The following MLLT3 variants were observed in gnomAD, a reference collection of about 807,000 sequenced individuals.
The protein encoded by MLLT3 is MLLT3 super elongation complex subunit, also known as protein AF-9.
A neutral mutation model predicts 53.2 loss-of-function variants in MLLT3; 4 were observed. The ratio of observed to expected loss-of-function variants is 0.08; its 90% CI spans 0.04 to 0.17. MLLT3 has a LOEUF of 0.17. Ranked by LOEUF, MLLT3 falls within the 10% of genes least tolerant of loss-of-function variation. MLLT3 has a pLI of 1.00. For missense variants in MLLT3, 569 were observed against 684.0 expected, an observed-to-expected ratio of 0.83 and a Z score of 1.87; for synonymous variants, 283 against 230.6, an observed-to-expected ratio of 1.23 and a Z score of -2.06.
intron 2 of MLLT3, among the ~76,000 whole-genome samples, chr9:20,550,650 G>A (rs1320172509): frequency 1.3e-5 from 2 of 151,922 alleles, no homozygotes; most frequent in African/African-American, 2.4e-5. Context: ...GAACTTCCTC[G>A]GCCTCTTTAA....
chr9:20,559,171 A>C (rs1185590917), intron 2 of MLLT3, among the ~76,000 whole-genome samples: 1 of 152,240 alleles, frequency 6.6e-6, no homozygotes, highest in African/African-American at 2.4e-5. Context: ...TTTATATAAA[A>C]GTAAAGTTAT....
intron 2 of MLLT3, among the ~76,000 whole-genome samples, chr9:20,550,368 G>A (rs1344299418): frequency 6.6e-6 from 1 of 152,132 alleles, no homozygotes; most frequent in African/African-American, 2.4e-5. Flanking sequence ...CTTATTGTAT[G>A]ATTCCCTCTT....
chr9:20,509,258 G>C (rs868589813), intron 2 of MLLT3, among the ~76,000 whole-genome samples: 4 of 152,106 alleles, frequency 2.6e-5, no homozygotes, highest in Non-Finnish European at 5.9e-5. Context: ...CAATCTTTTT[G>C]TTTTATGGTG....
At chr9:20,572,396 G>A (rs2131165230) in intron 2 of MLLT3, among the ~76,000 whole-genome samples, 1 of 152,236 alleles carries the variant, frequency 6.6e-6, no homozygotes, top group South Asian at 2.1e-4. Context: ...TGAGGTGTTG[G>A]ATATGTTAAT....
intron 2 of MLLT3, among the ~76,000 whole-genome samples, chr9:20,596,163 G>A (rs1182321120): frequency 2.0e-5 from 3 of 152,106 alleles, no homozygotes; most frequent in Non-Finnish European, 4.4e-5. Context: ...AGATAATTCT[G>A]TATCAGGAAT....
chr9:20,380,576 G>C (rs916227710), intron 5 of MLLT3, among the ~76,000 whole-genome samples: 1 of 151,904 alleles, frequency 6.6e-6, no homozygotes, highest in Non-Finnish European at 1.5e-5. Flanking sequence ...TTCAAATATG[G>C]ATGCTTTTAA....
chr9:20,379,476 G>A lies in MLLT3; in HGVS notation c.1126-13732C>T, dbSNP rs562743159. 1.9e-4 allele frequency among the ~76,000 whole-genome samples: 29 copies of A among 152,006 alleles called. 1 individual carries two copies. In the South Asian group the frequency reaches 5.4e-3, roughly 28 times the overall value. On this transcript the variant is annotated intron_variant, in intron 5 of 10. Coordinates refer to ENST00000380338, the MANE Select transcript of MLLT3 (RefSeq NM_004529.4). ...GATTCATCATCTTGAATTTTCTCTA[G>A]CCCTAAAAACAAATCTAAATTACTG...
chr9:20,589,610 T>C (rs1352893888), intron 2 of MLLT3, among the ~76,000 whole-genome samples: 1 of 151,318 alleles, frequency 6.6e-6, no homozygotes, highest in Non-Finnish European at 1.5e-5. Context: ...AAAATTTTTT[T>C]ATAAAAAAAG....
At chr9:20,551,959 G>C (rs909656518) in intron 2 of MLLT3, among the ~76,000 whole-genome samples, 3 of 152,244 alleles carry the variant, frequency 2.0e-5, no homozygotes, top group Admixed American at 6.5e-5. Flanking sequence ...AACCTGCTCT[G>C]ATAAAATCAA....
chr9:20,603,351 T>A (rs950096100), intron 2 of MLLT3, among the ~76,000 whole-genome samples: 2 of 152,024 alleles, frequency 1.3e-5, no homozygotes, highest in Middle Eastern at 3.2e-3. Context: ...ACCTCTTAGG[T>A]CAAATCTGGC....
intron 7 of MLLT3, among the ~76,000 whole-genome samples, chr9:20,362,262 A>G (rs940867130): frequency 6.6e-6 from 1 of 152,202 alleles, no homozygotes; most frequent in African/African-American, 2.4e-5. Context: ...TGCAGCAATA[A>G]GTAGGTGGGC....
intron 2 of MLLT3, among the ~76,000 whole-genome samples, chr9:20,570,440 C>G (rs1033632481): frequency 6.6e-6 from 1 of 152,202 alleles, no homozygotes; most frequent in African/African-American, 2.4e-5. Flanking sequence ...AAACACTACA[C>G]TTTCTAACAA....
chr9:20,364,176 C>T (rs1264359867), intron 6 of MLLT3, among the ~76,000 whole-genome samples: 4 of 152,156 alleles, frequency 2.6e-5, no homozygotes, highest in African/African-American at 9.7e-5. Flanking sequence ...CTTGTTGCAG[C>T]AATTTTAAGC....
At chr9:20,515,040 G>A (rs1253519914) in intron 2 of MLLT3, among the ~76,000 whole-genome samples, 3 of 149,370 alleles carry the variant, frequency 2.0e-5, no homozygotes, top group East Asian at 2.0e-4. Flanking sequence ...TCTGCCTCCC[G>A]GGTTCAGGCG....
At chr9:20,536,294 C>T (rs2119003936) in intron 2 of MLLT3, among the ~76,000 whole-genome samples, 1 of 152,242 alleles carries the variant, frequency 6.6e-6, no homozygotes, top group East Asian at 1.9e-4. Flanking sequence ...AGGTAGAGCT[C>T]ATACTTCTAG....
chr9:20,342,731 G>T lies in MLLT3; in HGVS notation c.*3712C>A, dbSNP rs560932427. On this transcript the variant is annotated 3_prime_UTR_variant, in exon 11 of 11. Coordinates refer to ENST00000380338, the MANE Select transcript of MLLT3 (RefSeq NM_004529.4). ...AGCCCGAGACTAAACTAAACCATGG[G>T]AATTGACTCCTTAACATTCACTGCA... The T allele has an allele frequency of 4.9e-6, 1 of 202,094 alleles. No homozygotes were observed. The highest frequency in any genetic ancestry group is 1.0e-5 in the Non-Finnish European group (1 of 98,814). 12.5% of individuals were successfully genotyped at this position (202,094 alleles called of 1,614,324 possible).
intron 5 of MLLT3, among the ~76,000 whole-genome samples, chr9:20,392,662 C>T (rs79258596): frequency 0.012 from 1,819 of 152,238 alleles, 20 homozygotes; most frequent in Admixed American, 0.019. Flanking sequence ...CATTATCCCT[C>T]CCAGCTTTGG....
intron 2 of MLLT3, among the ~76,000 whole-genome samples, chr9:20,561,063 T>C (rs540463940): frequency 6.6e-6 from 1 of 152,192 alleles, no homozygotes; most frequent in Non-Finnish European, 1.5e-5. Flanking sequence ...CCAGGGAACA[T>C]GTATCTACTT....
chr9:20,400,035 C>T (rs1028013199), intron 5 of MLLT3, among the ~76,000 whole-genome samples: 1 of 145,368 alleles, frequency 6.9e-6, no homozygotes, highest in East Asian at 2.0e-4. Flanking sequence ...TCAATGGTTG[C>T]TAACATCATT....
Sources: gnomAD v4.1 joint callset for allele counts (sites outside exome capture counted in the v4.1 genomes callset) on GRCh38, gnomAD v4.1.1 for gene constraint, MANE v1.5 for transcripts, NCBI Gene and HGNC (gene_info 2026-07-23, HGNC 2026-07-21) for gene names.